The following NFYB variants were observed in gnomAD, a reference collection of about 807,000 sequenced individuals.
NFYB encodes nuclear transcription factor Y subunit beta.
In NFYB, 13 loss-of-function variants were observed where a neutral mutation model predicts 28.0. That is an observed-to-expected ratio of 0.46 (90% CI 0.30 to 0.74). The LOEUF (loss-of-function observed/expected upper bound fraction) is 0.74. Ranked by LOEUF, NFYB falls within the 30% of genes least tolerant of loss-of-function variation. NFYB has a pLI of 0.07. For synonymous variants in NFYB, 74 were observed against 75.0 expected (o/e 0.99, Z 0.07); for missense variants, 142 against 247.6 (o/e 0.57, Z 2.86).
chr12:104,123,185 AAG>A, intron 5 of NFYB, 39 bp downstream of exon 5: 8 of 1,512,402 alleles, frequency 5.3e-6, no homozygotes, highest in South Asian at 3.6e-5. Flanking sequence ...CAAAAAAAAA[AAG>A]AAGAAAAAAA....
Position 104,118,732 on chromosome 12 carries a change from C to T in NFYB, c.*1005G>A, listed in dbSNP as rs976964970. On this transcript the variant is annotated 3_prime_UTR_variant, in exon 8 of 8. Transcript: ENST00000240055. ...TCTATTTCACACCGTTCACAGCACT[C>T]ACTCTGTTCTCCATTTCATCCACTC... 1.3e-5 allele frequency: 2 copies of T among 152,136 alleles called. No homozygotes were observed. Among genetic ancestry groups the T allele is most frequent in the Non-Finnish European group, 2.9e-5 (2 of 68,030 alleles). The allele number at this position is 152,136 out of a possible 1,614,324, so 9.4% of individuals were successfully genotyped here. A position where few individuals can be genotyped will look rare whatever the true frequency, so the allele number is the denominator to read the frequency against.
At chr12:104,136,939 C>T (rs2031122552) in intron 1 of NFYB, among the ~76,000 whole-genome samples, 1 of 152,142 alleles carries the variant, frequency 6.6e-6, no homozygotes, top group Non-Finnish European at 1.5e-5. Context: ...ATACAGTAAT[C>T]CTTAAATTAA....
intron 4 of NFYB, 40 bp from the exon 5 acceptor site, chr12:104,123,463 C>T: frequency 1.3e-6 from 2 of 1,540,656 alleles, no homozygotes; most frequent in South Asian, 1.1e-5. Flanking sequence ...AAACTATAAC[C>T]ATCACCTTCC....
intron 2 of NFYB, among the ~76,000 whole-genome samples, chr12:104,129,267 C>T (rs1243426890): frequency 6.6e-6 from 1 of 152,000 alleles, no homozygotes; most frequent in African/African-American, 2.4e-5. Flanking sequence ...TCAAGAGTTC[C>T]AGACCAGCCT....
chr12:104,137,444 G>C (rs2031146459), intron 1 of NFYB: 1 of 152,246 alleles, frequency 6.6e-6, no homozygotes, highest in South Asian at 2.1e-4. Context: ...CCAGGCTGCG[G>C]GGAAGCTAAA....
intron 2 of NFYB, among the ~76,000 whole-genome samples, chr12:104,130,770 A>AT (rs1191479920): frequency 7.3e-5 from 11 of 151,610 alleles, no homozygotes; most frequent in South Asian, 2.1e-4. Flanking sequence ...GACATGATGG[A>AT]TTTTTTTTTA....
At chr12:104,131,113 A>C (rs1481235365) in intron 2 of NFYB, 1 of 152,242 alleles carries the variant, frequency 6.6e-6, no homozygotes, top group African/African-American at 2.4e-5. Context: ...TTTAAATCAT[A>C]TTATCTTGTC....
intron 1 of NFYB, 177 bp downstream of exon 1, chr12:104,137,964 G>A (rs2031181876): frequency 7.0e-6 from 1 of 143,868 alleles, no homozygotes; most frequent in Non-Finnish European, 1.5e-5. Context: ...GGCCCGCTGC[G>A]GGAGCGGCCT....
intron 2 of NFYB, among the ~76,000 whole-genome samples, chr12:104,134,868 A>G (rs2031047818): frequency 6.6e-6 from 1 of 152,244 alleles, no homozygotes; most frequent in South Asian, 2.1e-4. Flanking sequence ...ATATAGTAGC[A>G]CATCCAGAAT....
intron 1 of NFYB, among the ~76,000 whole-genome samples, chr12:104,136,915 A>G (rs934278099): frequency 1.3e-5 from 2 of 152,214 alleles, no homozygotes; most frequent in African/African-American, 4.8e-5. Flanking sequence ...CAACAACCAG[A>G]GTTTTGCATC....
chr12:104,135,324 G>A (rs571847618), intron 2 of NFYB, 124 bp downstream of exon 2: 36 of 743,140 alleles, frequency 4.8e-5, no homozygotes, highest in Non-Finnish European at 7.3e-5. Context: ...CAGAGGTACT[G>A]TCTGTCTAGA....
chr12:104,126,113 C>A lies in NFYB; in HGVS notation c.231+1G>T. The stretch of plus-strand genomic sequence containing the variant: ...CTAGTTAAATTTCTCCTCTACGTTA[C>A]CTTTCCCGTTTGAGGTATGGCATTT... On this transcript the variant is annotated splice_donor_variant, in intron 4 of 7. Coordinates refer to ENST00000240055, the MANE Select transcript of NFYB (RefSeq NM_006166.4). LOFTEE classifies it high-confidence loss of function. The A allele has an allele frequency of 6.3e-7, 1 of 1,579,200 alleles. No individual in the cohort carries two copies.
intron 3 of NFYB, among the ~76,000 whole-genome samples, chr12:104,127,703 T>C (rs2136660411): frequency 6.8e-6 from 1 of 147,696 alleles, no homozygotes. Flanking sequence ...GGTCTCACTT[T>C]GCACTTTGTC....
At chr12:104,135,770 G>C (rs1341906271) in intron 1 of NFYB, among the ~76,000 whole-genome samples, 1 of 152,130 alleles carries the variant, frequency 6.6e-6, no homozygotes, top group Non-Finnish European at 1.5e-5. Context: ...ATGGGGAAAG[G>C]AGAAAATGGA....
At chr12:104,136,908 C>A (rs946309546) in intron 1 of NFYB, among the ~76,000 whole-genome samples, 1 of 152,192 alleles carries the variant, frequency 6.6e-6, no homozygotes, top group Non-Finnish European at 1.5e-5. Flanking sequence ...TTGGCATCAA[C>A]AACCAGAGTT....
chr12:104,136,565 ATGT>A (rs1395925202), intron 1 of NFYB, among the ~76,000 whole-genome samples: 1 of 152,200 alleles, frequency 6.6e-6, no homozygotes, highest in Non-Finnish European at 1.5e-5. Flanking sequence ...GTAACGAGAA[ATGT>A]TATTTTTTAA....
chr12:104,132,111 G>A (rs943371938), intron 2 of NFYB, among the ~76,000 whole-genome samples: 5 of 152,162 alleles, frequency 3.3e-5, no homozygotes, highest in African/African-American at 7.2e-5. Context: ...TGCCAAGTAC[G>A]AAGAAAAACA....
chr12:104,126,894 A>C (rs1474217383), intron 3 of NFYB, among the ~76,000 whole-genome samples: 2 of 152,238 alleles, frequency 1.3e-5, no homozygotes, highest in African/African-American at 4.8e-5. Context: ...AGTTTATATA[A>C]AATTCTTTAA....
In NFYB at chr12:104,128,490, C is replaced by A. The variant is rs748763434; in HGVS notation, c.34G>T (p.Ala12Ser). The A allele has an allele frequency of 6.2e-7, 1 of 1,612,836 alleles. No individual in the cohort carries two copies. The highest frequency in any genetic ancestry group is 1.1e-5 in the South Asian group (1 of 91,016). ...TMDGDSSTTD[A>S]SQLGISADYI... is the part of the protein sequence containing the mutation. ...TCTGCAGAGATTCCTAGTTGAGAAG[C>A]ATCTGTTGTAGAACTGTCACCATCC... The change falls in exon 3 of 8, where the codon GCT (alanine) becomes TCT (serine). Residue 12 changes from alanine to serine, a missense_variant. Physicochemically the swap from Ala to Ser is moderately conservative, Grantham distance 99. Transcript: ENST00000240055.
Sources: allele counts gnomAD v4.1 joint callset (sites outside exome capture counted in the v4.1 genomes callset), GRCh38; gene constraint gnomAD v4.1.1; transcripts MANE v1.5; gene names NCBI Gene and HGNC (gene_info 2026-07-23, HGNC 2026-07-21).